Variants in RBFOX1 observed in about 807,000 individuals in gnomAD.
RBFOX1 encodes RNA binding fox-1 homolog 1.
A neutral mutation model predicts 57.7 loss-of-function variants in RBFOX1; 8 were observed. The observed-to-expected ratio is 0.14, with a 90% CI of 0.08 to 0.25. The LOEUF is 0.25. RBFOX1 is among the 10% of genes least tolerant of loss of function. The probability of loss-of-function intolerance (pLI) is 1.00; values close to 1 mark genes in which losing one functional copy is unlikely to be tolerated. For synonymous variants in RBFOX1, 326 were observed against 222.4 expected (o/e 1.47, Z -4.15); for missense variants, 611 against 548.5 (o/e 1.11, Z -1.14).
intron 2 of RBFOX1, among the ~76,000 whole-genome samples, chr16:6,646,778 T>C (rs1003625688): frequency 6.6e-6 from 1 of 152,152 alleles, no homozygotes; most frequent in Non-Finnish European, 1.5e-5. Flanking sequence ...CGTTTCTGTT[T>C]AGGTTGCTTA....
intron 4 of RBFOX1, among the ~76,000 whole-genome samples, chr16:7,151,837 A>G (rs187065137): frequency 6.6e-6 from 1 of 152,096 alleles, no homozygotes; most frequent in Non-Finnish European, 1.5e-5. Context: ...GCTCCTTCGC[A>G]TGCACAGTTC....
intron 4 of RBFOX1, among the ~76,000 whole-genome samples, chr16:5,944,962 C>CAAA (rs1488050141): frequency 1.3e-4 from 2 of 15,548 alleles, no homozygotes; most frequent in African/African-American, 1.1e-3. Context: ...AAGACTCTGT[C>CAAA]ATAAAAAAAA....
chr16:5,375,432 G>A (rs72777527), intron 1 of RBFOX1, among the ~76,000 whole-genome samples: 30,669 of 152,040 alleles, frequency 0.2, 3,197 homozygotes, highest in Middle Eastern at 0.28. Flanking sequence ...ATCATGGAGG[G>A]CTCTAAGGAT....
At chr16:5,425,945 G>A (rs1001725514) in intron 1 of RBFOX1, among the ~76,000 whole-genome samples, 8 of 152,158 alleles carry the variant, frequency 5.3e-5, no homozygotes, top group African/African-American at 1.4e-4. Flanking sequence ...ACACAACAGC[G>A]GCTTTAGCTT....
chr16:6,891,187 A>C (rs976582351), intron 3 of RBFOX1, among the ~76,000 whole-genome samples: 5 of 152,234 alleles, frequency 3.3e-5, no homozygotes, highest in Non-Finnish European at 5.9e-5. Flanking sequence ...TTTTATTATC[A>C]GTAGTGGCTA....
intron 3 of RBFOX1, among the ~76,000 whole-genome samples, chr16:5,740,944 T>C (rs2052749762): frequency 1.3e-5 from 2 of 152,134 alleles, no homozygotes; most frequent in Non-Finnish European, 2.9e-5. Flanking sequence ...GGAGTCATGA[T>C]GAGTTGGAGT....
chr16:5,341,918 A>T (rs1440902519), intron 1 of RBFOX1, among the ~76,000 whole-genome samples: 5 of 152,190 alleles, frequency 3.3e-5, no homozygotes, highest in Admixed American at 3.3e-4. Flanking sequence ...CCTCCCTGCC[A>T]GGGCTGGAGC....
chr16:7,703,073 C>G (rs942404303), intron 14 of RBFOX1, among the ~76,000 whole-genome samples: 2 of 152,030 alleles, frequency 1.3e-5, no homozygotes, highest in Non-Finnish European at 2.9e-5. Context: ...TTTAGCTAGA[C>G]CATGGCTCTC....
At chr16:6,517,209 G>A (rs1400681076) in intron 2 of RBFOX1, among the ~76,000 whole-genome samples, 2 of 152,104 alleles carry the variant, frequency 1.3e-5, no homozygotes, top group African/African-American at 4.8e-5. Context: ...GGAAGGGCGT[G>A]ATGATATATG....
chr16:5,607,425 G>T (rs2047624863), intron 3 of RBFOX1, among the ~76,000 whole-genome samples: 1 of 146,736 alleles, frequency 6.8e-6, no homozygotes, highest in Non-Finnish European at 1.5e-5. Context: ...ATTTCTCTCT[G>T]TTGCTTTCTG....
chr16:7,630,501 T>C, intron 10 of RBFOX1, 102 bp from the exon 11 acceptor site: 1 of 1,556,392 alleles, frequency 6.4e-7, no homozygotes. Context: ...GGGATGTGGC[T>C]ATGTTTTCAT....
chr16:5,925,204 A>G (rs763836337), intron 4 of RBFOX1, among the ~76,000 whole-genome samples: 6 of 152,214 alleles, frequency 3.9e-5, no homozygotes, highest in Non-Finnish European at 8.8e-5. Flanking sequence ...TACTGCCTGT[A>G]TACAAATGCT....
chr16:6,471,842 T>C (rs1597724196), intron 2 of RBFOX1, among the ~76,000 whole-genome samples: 1 of 152,100 alleles, frequency 6.6e-6, no homozygotes, highest in East Asian at 1.9e-4. Flanking sequence ...CAGAGTGTGG[T>C]TGGGACTTCA....
At chr16:7,209,142 AAATAATAAT>A (rs60784195) in intron 4 of RBFOX1, among the ~76,000 whole-genome samples, 18,224 of 140,360 alleles carry the variant, frequency 0.13, 1,273 homozygotes, top group African/African-American at 0.15. Context: ...CAAAAATACA[AAATAATAAT>A]AATAATAATA....
Position 7,446,258 on chromosome 16 carries a change from G to A in RBFOX1, c.28-71889G>A, listed in dbSNP as rs558891719. Among the ~76,000 whole-genome samples the A allele has an allele frequency of 7.9e-5, 12 of 152,238 alleles. 1 individual carries two copies. In the East Asian group the frequency reaches 2.1e-3, roughly 27 times the overall value. On this transcript the variant is annotated intron_variant, in intron 4 of 15. Coordinates refer to ENST00000550418, the MANE Select transcript of RBFOX1 (RefSeq NM_018723.4). The stretch of plus-strand genomic sequence containing the variant: ...ACCCATGCGAATTGACAGGAAGGAG[G>A]ATATTTTAGTTCCTTCTATGATTGA...
intron 2 of RBFOX1, among the ~76,000 whole-genome samples, chr16:6,537,912 C>T (rs967822412): frequency 7.9e-5 from 12 of 151,354 alleles, no homozygotes; most frequent in African/African-American, 1.5e-4. Context: ...ATGGAAGAAC[C>T]GGCCTAAAGA....
upstream of RBFOX1, among the ~76,000 whole-genome samples, chr16:6,015,842 A>C (rs2094990409): frequency 6.6e-6 from 1 of 152,226 alleles, no homozygotes; most frequent in East Asian, 1.9e-4. Context: ...AGACAGTTGC[A>C]ATCACTCATT....
At chr16:7,012,991 C>T (rs1325070836) in intron 3 of RBFOX1, among the ~76,000 whole-genome samples, 1 of 152,104 alleles carries the variant, frequency 6.6e-6, no homozygotes, top group Non-Finnish European at 1.5e-5. Flanking sequence ...GTGGCGTTTC[C>T]TCAGTGTGTA....
intron 11 of RBFOX1, among the ~76,000 whole-genome samples, chr16:7,652,029 T>C (rs1188984797): frequency 6.6e-6 from 1 of 151,864 alleles, no homozygotes; most frequent in African/African-American, 2.4e-5. Flanking sequence ...AGGAAGGGCA[T>C]CCCAGGTAGA....
Sources: gnomAD v4.1 joint callset for allele counts (sites outside exome capture counted in the v4.1 genomes callset) on GRCh38, gnomAD v4.1.1 for gene constraint, MANE v1.5 for transcripts, NCBI Gene and HGNC (gene_info 2026-07-23, HGNC 2026-07-21) for gene names.